Variants in FBXW7 observed in about 807,000 individuals in gnomAD.
FBXW7 encodes the protein F-box/WD repeat-containing protein 7.
FBXW7 carries 11 observed loss-of-function variants against 86.3 expected under a neutral mutation model. The observed-to-expected ratio is 0.13, with a 90% CI of 0.08 to 0.21. The LOEUF (loss-of-function observed/expected upper bound fraction) is 0.21, where lower values mean the gene tolerates loss of function less well. Ranked by LOEUF, FBXW7 falls within the 10% of genes least tolerant of loss-of-function variation. The pLI, the probability that FBXW7 is intolerant of heterozygous loss-of-function variation, is 1.00. For synonymous variants in FBXW7, 313 were observed against 297.9 expected, an observed-to-expected ratio of 1.05 and a Z score of -0.52; for missense variants, 488 against 847.4, an observed-to-expected ratio of 0.58 and a Z score of 5.27.
At position 152,360,203 on chromosome 4, in the gene FBXW7, G is replaced by A. The variant is rs1732801098; in HGVS notation, c.502-10079C>T. Among the ~76,000 whole-genome samples, 4 of 152,122 alleles carry A rather than the reference G, an allele frequency of 2.6e-5. No homozygotes were observed. In the South Asian group the frequency reaches 8.3e-4, roughly 32 times the overall value. On this transcript the variant is annotated intron_variant, in intron 4 of 13. Transcript: ENST00000281708. ...TCATCATTCCATCTTAGGGCATTAT[G>A]TGTCTTTCTGTACTAGGAGAACTTT...
intron 2 of FBXW7, among the ~76,000 whole-genome samples, chr4:152,473,322 C>T (rs1222733665): frequency 6.6e-6 from 1 of 152,196 alleles, no homozygotes; most frequent in Non-Finnish European, 1.5e-5. Context: ...TAATTCTGCA[C>T]ACATTTTAAA....
rs1749897140 is a variant in FBXW7 at position 152,530,155 on chromosome 4, A to G, written c.-120+4786T>C. ...TATATACGTATATATATGTATATACATCAAAGCTTTTTAAAGTACACATTT... is the reference window on the plus strand; with the variant it reads ...TATATACGTATATATATGTATATACGTCAAAGCTTTTTAAAGTACACATTT... On this transcript the variant is annotated intron_variant, in intron 2 of 13. Transcript: ENST00000281708. 3 of 151,618 alleles carry G rather than the reference A, an allele frequency of 2.0e-5. 1 individual carries two copies. Among genetic ancestry groups the G allele is most frequent in the South Asian group, 4.2e-4 (2 of 4,816 alleles). 9.4% of individuals were successfully genotyped at this position (151,618 alleles called of 1,614,324 possible). A position where few individuals can be genotyped will look rare whatever the true frequency, so the allele number is the denominator to read the frequency against.
At chr4:152,344,927 G>A (rs1445171201) in intron 6 of FBXW7, among the ~76,000 whole-genome samples, 1 of 152,100 alleles carries the variant, frequency 6.6e-6, no homozygotes, top group Non-Finnish European at 1.5e-5. Flanking sequence ...CTACAATGAT[G>A]ATAAAACTAT....
At chr4:152,506,606 A>G (rs543382958) in intron 2 of FBXW7, among the ~76,000 whole-genome samples, 1 of 152,238 alleles carries the variant, frequency 6.6e-6, no homozygotes, top group Non-Finnish European at 1.5e-5. Flanking sequence ...AAATATCTTA[A>G]TATCTCTAAG....
chr4:152,466,048 T>C (rs1219600865), intron 2 of FBXW7, among the ~76,000 whole-genome samples: 1 of 152,156 alleles, frequency 6.6e-6, no homozygotes, highest in African/African-American at 2.4e-5. Flanking sequence ...TCAATTCCCC[T>C]AATAAAAACA....
chr4:152,527,121 A>T (rs1749586689), intron 2 of FBXW7, among the ~76,000 whole-genome samples: 1 of 152,238 alleles, frequency 6.6e-6, no homozygotes, highest in African/African-American at 2.4e-5. Context: ...GCTTTATATT[A>T]TCTCATTTAA....
At chr4:152,412,005 G>T in intron 3 of FBXW7, 133 bp from the exon 4 acceptor site, 2 of 775,584 alleles carry the variant, frequency 2.6e-6, no homozygotes, top group Non-Finnish European at 1.9e-6. Context: ...GCATTAAAAT[G>T]TTCTTTAGTA....
intron 5 of FBXW7, among the ~76,000 whole-genome samples, chr4:152,347,861 A>G (rs1174522862): frequency 6.6e-6 from 1 of 152,104 alleles, no homozygotes; most frequent in African/African-American, 2.4e-5. Flanking sequence ...AATTAATAGC[A>G]GAAAGAATAT....
intron 2 of FBXW7, among the ~76,000 whole-genome samples, chr4:152,440,882 C>G (rs1299361152): frequency 2.0e-5 from 3 of 151,882 alleles, no homozygotes; most frequent in Non-Finnish European, 2.9e-5. Flanking sequence ...AGGTTCAATA[C>G]TGTAACATTC....
At chr4:152,369,657 G>T (rs750922003) in intron 4 of FBXW7, among the ~76,000 whole-genome samples, 28 of 152,044 alleles carry the variant, frequency 1.8e-4, no homozygotes, top group Non-Finnish European at 2.9e-4. Flanking sequence ...TCTCAGTTTT[G>T]TTCACTTGTC....
At chr4:152,403,124 C>T (rs142401327) in intron 4 of FBXW7, among the ~76,000 whole-genome samples, 1 of 151,980 alleles carries the variant, frequency 6.6e-6, no homozygotes, top group Non-Finnish European at 1.5e-5. Flanking sequence ...GTTGGGAATA[C>T]GGGAAGGGAG....
intron 2 of FBXW7, among the ~76,000 whole-genome samples, chr4:152,529,749 C>T (rs1209735439): frequency 6.6e-6 from 1 of 152,028 alleles, no homozygotes; most frequent in African/African-American, 2.4e-5. Flanking sequence ...GATGGATTAC[C>T]TGAGCTCAGG....
intron 2 of FBXW7, among the ~76,000 whole-genome samples, chr4:152,479,316 A>G (rs181899418): frequency 2.5e-3 from 385 of 152,256 alleles, no homozygotes; most frequent in African/African-American, 7.8e-3. Flanking sequence ...AAAAGTAAAA[A>G]TAAGGTAAGC....
rs571257706 is a variant in FBXW7 at position 152,511,237 on chromosome 4, T to C, written c.-120+23704A>G. On this transcript the variant is annotated intron_variant, in intron 2 of 13. Coordinates refer to ENST00000281708, the MANE Select transcript of FBXW7 (RefSeq NM_001349798.2). ...TGCAGTATGAATATAACAGGAAGGA[T>C]AGCAGCTTATTTAAAATCAGGAACA... Among the ~76,000 whole-genome samples, 152 of 152,110 alleles carry C rather than the reference T, an allele frequency of 1.0e-3. 1 individual carries two copies. The highest frequency in any genetic ancestry group is 3.5e-3 in the African/African-American group (146 of 41,486).
chr4:152,502,545 CTTTTTA>C (rs1443205962), intron 2 of FBXW7, among the ~76,000 whole-genome samples: 1 of 151,822 alleles, frequency 6.6e-6, no homozygotes, highest in African/African-American at 2.4e-5. Context: ...AATCGCAATA[CTTTTTA>C]TTTTTTTTAA....
chr4:152,500,510 A>C (rs932660508), intron 2 of FBXW7, among the ~76,000 whole-genome samples: 2 of 151,868 alleles, frequency 1.3e-5, no homozygotes, highest in East Asian at 3.9e-4. Flanking sequence ...AAAAAAAAAA[A>C]AAAAAAAAAA....
intron 2 of FBXW7, among the ~76,000 whole-genome samples, chr4:152,485,069 A>G (rs1007786632): frequency 6.6e-6 from 1 of 152,068 alleles, no homozygotes; most frequent in East Asian, 1.9e-4. Flanking sequence ...AATACCAAAA[A>G]GACTGGGAAA....
chr4:152,394,958 A>G (rs1049069670), intron 4 of FBXW7, among the ~76,000 whole-genome samples: 1 of 152,052 alleles, frequency 6.6e-6, no homozygotes, highest in Non-Finnish European at 1.5e-5. Flanking sequence ...TTATAGCTAT[A>G]CTGTTGAGGA....
At chr4:152,382,247 A>G (rs776849439) in intron 4 of FBXW7, 4 of 1,602,968 alleles carry the variant, frequency 2.5e-6, no homozygotes, top group South Asian at 2.3e-5. Flanking sequence ...TATCTTCATC[A>G]CAGTTTGATG....
Sources: allele counts gnomAD v4.1 joint callset (sites outside exome capture counted in the v4.1 genomes callset), GRCh38; gene constraint gnomAD v4.1.1; transcripts MANE v1.5; gene names NCBI Gene and HGNC (gene_info 2026-07-23, HGNC 2026-07-21).